The following VAC14 variants were observed in gnomAD, a reference collection of about 807,000 sequenced individuals.
The protein encoded by VAC14 is protein VAC14 homolog.
VAC14 carries 47 observed loss-of-function variants against 85.3 expected under a neutral mutation model. The ratio of observed to expected loss-of-function variants is 0.55; its 90% CI spans 0.44 to 0.70. The LOEUF (loss-of-function observed/expected upper bound fraction) is 0.70, where lower values mean the gene tolerates loss of function less well. VAC14 is among the 30% of genes least tolerant of loss of function. The probability of loss-of-function intolerance (pLI) is 0.00; values close to 1 mark genes in which losing one functional copy is unlikely to be tolerated. For missense variants in VAC14, 861 were observed against 1,004.3 expected (o/e 0.86, Z 1.93); for synonymous variants, 447 against 430.5 (o/e 1.04, Z -0.47).
chr16:70,766,446 A>T, intron 10 of VAC14: 2 of 454,886 alleles, frequency 4.4e-6, no homozygotes, highest in Non-Finnish European at 8.8e-6. Flanking sequence ...TCCACAGCAA[A>T]CACCTGAACA....
intron 1 of VAC14, among the ~76,000 whole-genome samples, chr16:70,789,603 A>G (rs1435897139): frequency 1.3e-5 from 2 of 152,240 alleles, no homozygotes; most frequent in Admixed American, 6.5e-5. Flanking sequence ...TTTAATCGTG[A>G]GAGACTGAAT....
intron 18 of VAC14, chr16:70,688,315 G>C (rs771335960): frequency 7.4e-5 from 89 of 1,197,904 alleles, no homozygotes; most frequent in Non-Finnish European, 8.2e-5. Context: ...CTGCTGCTTG[G>C]CTATTGCCCT....
At chr16:70,700,420 C>T (rs1424368321) in intron 14 of VAC14, among the ~76,000 whole-genome samples, 2 of 152,240 alleles carry the variant, frequency 1.3e-5, no homozygotes, top group Non-Finnish European at 2.9e-5. Context: ...GAGGTGAAGG[C>T]CTCCGCCTGG....
At chr16:70,692,051 T>C (rs972281146) in intron 18 of VAC14, 28 of 983,414 alleles carry the variant, frequency 2.8e-5, no homozygotes, top group Non-Finnish European at 3.1e-5. Context: ...CATGGCGACC[T>C]GACAAGTGAA....
intron 13 of VAC14, among the ~76,000 whole-genome samples, chr16:70,737,960 G>A (rs776559891): frequency 5.3e-5 from 8 of 152,192 alleles, no homozygotes; most frequent in Admixed American, 1.3e-4. Flanking sequence ...ACAGCCCGTT[G>A]TGGGCTCAAG....
intron 14 of VAC14, among the ~76,000 whole-genome samples, chr16:70,704,308 C>T (rs1453776461): frequency 3.3e-5 from 5 of 152,196 alleles, no homozygotes; most frequent in Non-Finnish European, 7.3e-5. Flanking sequence ...ACAGAAGGGG[C>T]GGTGGGAGAA....
At chr16:70,744,774 G>A (rs1002437604) in intron 12 of VAC14, 195 bp from the exon 13 acceptor site, 28 of 586,140 alleles carry the variant, frequency 4.8e-5, no homozygotes, top group Non-Finnish European at 6.8e-5. Flanking sequence ...CAGAATGAAG[G>A]GAACACAGAC....
At chr16:70,733,967 C>A (rs553084684) in intron 13 of VAC14, among the ~76,000 whole-genome samples, 1 of 152,226 alleles carries the variant, frequency 6.6e-6, no homozygotes, top group Admixed American at 6.5e-5. Flanking sequence ...GGACTACAGG[C>A]GTGTGCCACC....
chr16:70,735,928 T>C (rs2054736604), intron 13 of VAC14, among the ~76,000 whole-genome samples: 1 of 152,240 alleles, frequency 6.6e-6, no homozygotes. Context: ...CAGGCCCAGC[T>C]GGGGGCTGAT....
At chr16:70,748,888 G>C (rs2031143631) in intron 12 of VAC14, among the ~76,000 whole-genome samples, 1 of 152,170 alleles carries the variant, frequency 6.6e-6, no homozygotes, top group South Asian at 2.1e-4. Context: ...AGTGAGCTGA[G>C]ATCGCACTAC....
chr16:70,691,217 CGAG>C lies in VAC14; in HGVS notation c.2186+1601_2186+1603del, dbSNP rs1206914570. ...CTGAGCCTCTGCTCCCCTCCCAAGACGAGGAGATCAGCACTCGGAGACCCGGGA... is the reference window on the plus strand; with the variant it reads ...CTGAGCCTCTGCTCCCCTCCCAAGACGAGATCAGCACTCGGAGACCCGGGA... On this transcript the variant is annotated intron_variant, in intron 18 of 18. Transcript: ENST00000261776. The C allele has an allele frequency of 1.0e-5, 10 of 985,346 alleles. No homozygotes were observed. In the African/African-American group the frequency reaches 1.2e-4, roughly 12 times the overall value. 61.0% of individuals were successfully genotyped at this position (985,346 alleles called of 1,614,324 possible).
intron 12 of VAC14, among the ~76,000 whole-genome samples, chr16:70,748,580 G>A (rs1011424776): frequency 5.3e-5 from 8 of 152,220 alleles, no homozygotes; most frequent in Admixed American, 1.3e-4. Flanking sequence ...CTCCAGAGTG[G>A]GGAATGGGGC....
intron 13 of VAC14, among the ~76,000 whole-genome samples, chr16:70,740,118 G>A (rs1353264569): frequency 3.3e-5 from 5 of 151,948 alleles, no homozygotes; most frequent in Admixed American, 6.6e-5. Context: ...GCACCACTAC[G>A]CCCAGCTAAA....
chr16:70,781,895 C>T lies in VAC14; in HGVS notation c.920G>A (p.Cys307Tyr). Residue 307 changes from cysteine (C) to tyrosine (Y), a missense_variant, in exon 8 of 19, where the codon TGC becomes TAC. By Grantham distance (194) the Cys-to-Tyr change is radical (BLOSUM62 -2). Around this residue, in one of 3 missense-constraint regions of VAC14, gnomAD observed 629 missense variants for 703.1 expected, o/e 0.89. Coordinates refer to ENST00000261776, the MANE Select transcript of VAC14 (RefSeq NM_018052.5). ...SSGILTAVLP[C>Y]LAYDDRKKSI... ...TTTCTTGCGGTCATCGTAGGCCAAGCAGGGCAAGACAGCAGTCAGGATCCC... is the reference window on the plus strand; with the variant it reads ...TTTCTTGCGGTCATCGTAGGCCAAGTAGGGCAAGACAGCAGTCAGGATCCC... 6.2e-7 allele frequency: 1 copy of T among 1,614,102 alleles called. No homozygotes were observed. The highest frequency in any genetic ancestry group is 2.2e-5 in the East Asian group (1 of 44,874).
At chr16:70,707,229 G>A (rs2053937681) in intron 14 of VAC14, among the ~76,000 whole-genome samples, 1 of 152,258 alleles carries the variant, frequency 6.6e-6, no homozygotes, top group African/African-American at 2.4e-5. Flanking sequence ...ATCCTCGGCA[G>A]TGTGCCCCTC....
intron 18 of VAC14, chr16:70,689,075 G>C (rs536645555): frequency 1.1e-4 from 111 of 985,438 alleles, no homozygotes; most frequent in Non-Finnish European, 1.3e-4. Context: ...GGCCGGGAAG[G>C]GGGGTGCAGG....
chr16:70,777,424 G>A (rs1375966577), intron 9 of VAC14, among the ~76,000 whole-genome samples: 1 of 152,178 alleles, frequency 6.6e-6, no homozygotes, highest in Non-Finnish European at 1.5e-5. Flanking sequence ...CTGTCTGAGG[G>A]GAACAGATAT....
At chr16:70,749,502 G>A (rs2031199831) in intron 12 of VAC14, among the ~76,000 whole-genome samples, 1 of 152,200 alleles carries the variant, frequency 6.6e-6, no homozygotes, top group African/African-American at 2.4e-5. Context: ...TTTGTCTCTG[G>A]TCCCCAGAGG....
intron 9 of VAC14, among the ~76,000 whole-genome samples, chr16:70,774,055 G>A (rs1408921387): frequency 6.6e-6 from 1 of 151,938 alleles, no homozygotes; most frequent in Non-Finnish European, 1.5e-5. Flanking sequence ...GATTACAGGC[G>A]TGAGCCACCA....
Sources: allele counts gnomAD v4.1 joint callset (sites outside exome capture counted in the v4.1 genomes callset), GRCh38; gene constraint gnomAD v4.1.1; regional missense constraint gnomAD v4.1.1; transcripts MANE v1.5; gene names NCBI Gene and HGNC (gene_info 2026-07-23, HGNC 2026-07-21).